BAZ2A: variants seen among roughly 807,000 people sequenced by gnomAD.
BAZ2A encodes the protein bromodomain adjacent to zinc finger domain 2A.
In BAZ2A, 34 loss-of-function variants were observed where a neutral mutation model predicts 199.9. The ratio of observed to expected loss-of-function variants is 0.17; its 90% CI spans 0.13 to 0.23. The LOEUF (loss-of-function observed/expected upper bound fraction) is 0.23, where lower values mean the gene tolerates loss of function less well. BAZ2A is among the 10% of genes least tolerant of loss of function. The probability of loss-of-function intolerance (pLI) is 1.00; values close to 1 mark genes in which losing one functional copy is unlikely to be tolerated. For missense variants in BAZ2A, 2,002 were observed against 2,391.1 expected (o/e 0.84, Z 3.39); for synonymous variants, 857 against 883.9 (o/e 0.97, Z 0.54).
intron 4 of BAZ2A, 31 bp downstream of exon 4, chr12:56,613,922 T>A: frequency 6.3e-7 from 1 of 1,596,648 alleles, no homozygotes; most frequent in Non-Finnish European, 8.6e-7. Flanking sequence ...TCTGCATGGA[T>A]AAGTTAAAGG....
At position 56,635,992 on chromosome 12, in the gene BAZ2A, G is replaced by T. The variant is rs1454840557; in HGVS notation, c.4+190C>A. Among the ~76,000 whole-genome samples, 1 of 152,184 alleles carries T rather than the reference G, an allele frequency of 6.6e-6. No homozygotes were observed. The highest frequency in any genetic ancestry group is 1.5e-5 in the Non-Finnish European group (1 of 68,028). Reference sequence around the variant, plus strand: ...TCTCAGGCTCTTCCTTAGAACTGGGGCTTGCCCATACTCAGGATCCCGTGG... The same window carrying T: ...TCTCAGGCTCTTCCTTAGAACTGGGTCTTGCCCATACTCAGGATCCCGTGG... On this transcript the variant is annotated intron_variant, in intron 1 of 29. Coordinates refer to the BAZ2A transcript ENST00000379441. This position sits in a 1 kb window ranked among gnomAD's most constrained non-coding sequence, Gnocchi z 4.1.
chr12:56,603,300 G>A (rs1454026933), intron 18 of BAZ2A, 59 bp downstream of exon 18: 2 of 1,529,120 alleles, frequency 1.3e-6, no homozygotes, highest in African/African-American at 2.8e-5. Flanking sequence ...TAAAAAAGAA[G>A]CTGATCAATT....
chr12:56,637,770 C>CAA (rs537402652), upstream of BAZ2A, among the ~76,000 whole-genome samples: 2,123 of 123,222 alleles, frequency 0.017, 48 homozygotes, highest in African/African-American at 0.047. Flanking sequence ...GAATAGAGGC[C>CAA]AAAAAAAAAA....
At chr12:56,629,825 C>T (rs973185106) in intron 1 of BAZ2A, 2 of 151,684 alleles carry the variant, frequency 1.3e-5, no homozygotes, top group African/African-American at 2.4e-5. Context: ...CCACAGGAGT[C>T]ATCTCCACCA....
intron 3 of BAZ2A, 194 bp from the exon 4 acceptor site, chr12:56,614,332 G>A: frequency 1.8e-6 from 1 of 543,098 alleles, no homozygotes; most frequent in Non-Finnish European, 3.2e-6. Flanking sequence ...TCCTACAGCA[G>A]GCAAAGAGAG....
intron 10 of BAZ2A, among the ~76,000 whole-genome samples, 169 bp downstream of exon 10, chr12:56,609,566 TC>T (rs763859422): frequency 6.6e-6 from 1 of 152,138 alleles, no homozygotes; most frequent in Non-Finnish European, 1.5e-5. Context: ...AAAGTAGTAT[TC>T]CCAAGCGCTG....
At chr12:56,603,927 C>A (rs999341681) in intron 16 of BAZ2A, among the ~76,000 whole-genome samples, 1 of 152,098 alleles carries the variant, frequency 6.6e-6, no homozygotes, top group Non-Finnish European at 1.5e-5. Flanking sequence ...GCAGAAGAAT[C>A]GCTTGAACCT....
In BAZ2A at chr12:56,613,093, C is replaced by A. The variant is rs370593977; in HGVS notation, c.1057G>T (p.Ala353Ser). The change falls in exon 5 of 29, where the codon GCA becomes TCA. Residue 353 changes from alanine (A) to serine (S), a missense_variant. This residue lies in a region of BAZ2A where 641 missense variants were observed against 694.5 expected (regional missense o/e 0.92). Coordinates refer to ENST00000549884, the MANE Select transcript of BAZ2A (RefSeq NM_001300905.2). Reference protein sequence around the residue: ...LNNATAFSLLADDSQTSTSIF... With the variant: ...LNNATAFSLLSDDSQTSTSIF... ...GAGGTTGATGTTTGACTATCATCTG[C>A]CAGGAGACTGAAGGCAGTAGCATTA... is the stretch of plus-strand genomic sequence containing the variant. The A allele has an allele frequency of 3.6e-5, 58 of 1,613,846 alleles. No homozygotes were observed. In the African/African-American group the frequency reaches 7.6e-4, roughly 21 times the overall value.
At chr12:56,619,169 C>T (rs566626237) in intron 1 of BAZ2A, among the ~76,000 whole-genome samples, 10 of 151,654 alleles carry the variant, frequency 6.6e-5, no homozygotes, top group Non-Finnish European at 1.0e-4. Flanking sequence ...CATGGTGAAA[C>T]CCTACCTCTA....
Position 56,598,509 on chromosome 12 carries a change from G to A in BAZ2A, c.*109C>T. 4.3e-6 allele frequency: 6 copies of A among 1,380,404 alleles called. 1 individual carries two copies. In the South Asian group the frequency reaches 7.0e-5, roughly 16 times the overall value. 85.5% of individuals were successfully genotyped at this position (1,380,404 alleles called of 1,614,324 possible). Reference sequence around the variant, plus strand: ...AAGGGCAAGGTCAAAAATCAGGGTTGTATCTGACTTGAGTCTGGACCCAGG... The same window carrying A: ...AAGGGCAAGGTCAAAAATCAGGGTTATATCTGACTTGAGTCTGGACCCAGG... On this transcript the variant is annotated 3_prime_UTR_variant, in exon 29 of 29. Coordinates refer to ENST00000549884, the MANE Select transcript of BAZ2A (RefSeq NM_001300905.2).
intron 1 of BAZ2A, among the ~76,000 whole-genome samples, chr12:56,618,403 CT>C (rs1950792875): frequency 6.6e-6 from 1 of 151,946 alleles, no homozygotes; most frequent in Non-Finnish European, 1.5e-5. Flanking sequence ...TTTCTGAATA[CT>C]ACTAAGAATG....
rs764386575 is a variant in BAZ2A at position 56,609,915 on chromosome 12, T to G, written c.1913A>C (p.Glu638Ala). ...GLQWVQLSAE[E>A]IPSRIQAITG... ...AATTGCCTGAATCCTCGACGGGATCTCCTCTGCTGAGAGCTGCACCCACTG... is the reference window on the plus strand; with the variant it reads ...AATTGCCTGAATCCTCGACGGGATCGCCTCTGCTGAGAGCTGCACCCACTG... The change falls in exon 10 of 29, where the codon GAG (glutamate) becomes GCG (alanine). Residue 638 changes from glutamate to alanine, a missense_variant. Physicochemically the swap from Glu to Ala is moderately radical, Grantham distance 107 (BLOSUM62 -1). Transcript: ENST00000549884. 1 of 1,612,576 alleles carries G rather than the reference T, an allele frequency of 6.2e-7. No individual in the cohort carries two copies.
Position 56,605,354 on chromosome 12 carries a change from TTC to T in BAZ2A, c.2494-29_2494-28del, listed in dbSNP as rs758660967. On this transcript the variant is annotated intron_variant, in intron 13 of 28. Transcript: ENST00000549884. ...TAGAGAGAGAAAAGTGAGTAGAGAG[TTC>T]TGTTAAACATAACAGAAGATGACAA... 18 of 1,580,346 alleles carry T rather than the reference TTC, an allele frequency of 1.1e-5. No homozygotes were observed. In the African/African-American group the frequency reaches 2.0e-4, roughly 18 times the overall value.
chr12:56,602,405 G>A (rs998622852), intron 19 of BAZ2A, among the ~76,000 whole-genome samples: 26 of 152,182 alleles, frequency 1.7e-4, no homozygotes, highest in African/African-American at 6.3e-4. Context: ...ACAATCATAA[G>A]CTAACATTTA....
intron 1 of BAZ2A, among the ~76,000 whole-genome samples, chr12:56,627,465 C>CAA (rs34107563): frequency 7.6e-4 from 85 of 112,532 alleles, no homozygotes; most frequent in Middle Eastern, 9.3e-3. Context: ...GACTCCATCT[C>CAA]AAAAAAAAAA....
rs1950301632 is a variant in BAZ2A at position 56,605,136 on chromosome 12, T to C, written c.2685A>G (p.Gln895=). 3 of 1,613,702 alleles carry C rather than the reference T, an allele frequency of 1.9e-6. No individual in the cohort carries two copies. The highest frequency in any genetic ancestry group is 2.7e-5 in the African/African-American group (2 of 74,890). ...LCQGDSLGEV[Q]DLLVRLLKAA... is the part of the protein sequence containing the mutation. ...CCTTCAGCAGCCTGACCAGCAGGTC[T>C]TGCACCTCACCCAAGCTGTCACCTT... The change falls in exon 14 of 29, where the codon CAA becomes CAG. Residue 895 remains glutamine, a synonymous_variant. Coordinates refer to ENST00000549884, the MANE Select transcript of BAZ2A (RefSeq NM_001300905.2).
chr12:56,607,316 G>T (rs540477331), intron 10 of BAZ2A, among the ~76,000 whole-genome samples: 1 of 152,216 alleles, frequency 6.6e-6, no homozygotes, highest in African/African-American at 2.4e-5. Flanking sequence ...ACTTGTGGAA[G>T]TATAATTCTG....
chr12:56,600,756 G>A lies in BAZ2A; in HGVS notation c.4527C>T (p.Tyr1509=), dbSNP rs757644584. 18 of 1,613,716 alleles carry A rather than the reference G, an allele frequency of 1.1e-5. No individual in the cohort carries two copies. Among genetic ancestry groups the A allele is most frequent in the African/African-American group, 6.7e-5 (5 of 74,904 alleles). Reference sequence around the variant, plus strand: ...ATTGAAGCACTGCTAGGTCTGTCTCGTATGTCTTCTCTTTGGGGGACCAGC... The same window carrying A: ...ATTGAAGCACTGCTAGGTCTGTCTCATATGTCTTCTCTTTGGGGGACCAGC... ...IMSWSPKEKT[Y]ETDLAVLQWV... is the part of the protein sequence containing the mutation. The change falls in exon 23 of 29, where the codon TAC becomes TAT. Residue 1509 remains tyrosine, a synonymous_variant. Coordinates refer to ENST00000549884, the MANE Select transcript of BAZ2A (RefSeq NM_001300905.2).
Position 56,602,016 on chromosome 12 carries a change from T to C in BAZ2A, c.3601A>G (p.Arg1201Gly). The C allele has an allele frequency of 6.4e-7, 1 of 1,554,446 alleles. No homozygotes were observed. Residue 1201 changes from arginine to glycine, a missense_variant, in exon 20 of 29, where the codon AGG (arginine) becomes GGG (glycine). Arg to Gly is a moderately radical substitution (Grantham distance 125, BLOSUM62 -2). Transcript: ENST00000549884. The part of the protein sequence containing the change: ...RKTKPGSMQP[R>G]HLKSPVRGQD... ...CCCCTGACAGGGGACTTAAGATGCC[T>C]AGGTTGCATAGACCCGGGCTTAGTT...
Sources: allele counts gnomAD v4.1 joint callset (sites outside exome capture counted in the v4.1 genomes callset), GRCh38; gene constraint gnomAD v4.1.1; regional missense constraint gnomAD v4.1.1; non-coding constraint Gnocchi (gnomAD v3.1); transcripts MANE v1.5; gene names NCBI Gene and HGNC (gene_info 2026-07-23, HGNC 2026-07-21).